Variants in TENM3 observed in about 807,000 individuals in gnomAD.
The protein encoded by TENM3 is teneurin-3.
TENM3 carries 63 observed loss-of-function variants against 255.1 expected under a neutral mutation model. The ratio of observed to expected loss-of-function variants is 0.25; its 90% CI spans 0.20 to 0.30. The LOEUF (loss-of-function observed/expected upper bound fraction) is 0.30. Ranked by LOEUF, TENM3 falls within the 10% of genes least tolerant of loss-of-function variation. TENM3 has a pLI of 1.00. For missense variants in TENM3, 2,929 were observed against 3,461.1 expected (o/e 0.85, Z 3.86); for synonymous variants, 1,306 against 1,322.3 (o/e 0.99, Z 0.27).
chr4:182,721,310 C>CATA (rs1189881572), intron 13 of TENM3, among the ~76,000 whole-genome samples: 2 of 152,148 alleles, frequency 1.3e-5, no homozygotes, highest in Non-Finnish European at 2.9e-5. Context: ...CTCGTGAATT[C>CATA]ATATGCACAT....
intron 3 of TENM3, among the ~76,000 whole-genome samples, chr4:182,367,124 CTT>C (rs144629131): frequency 0.024 from 3,580 of 152,122 alleles, 98 homozygotes; most frequent in African/African-American, 0.06. Context: ...AAAGAAAAGA[CTT>C]TACAGAATTT....
At chr4:181,725,426 T>TC in the TENM3 span, among the ~76,000 whole-genome samples, 3 of 151,090 alleles carry the variant, frequency 2.0e-5, no homozygotes, top group Admixed American at 2.0e-4. Flanking sequence ...CTTTCTTTTT[T>TC]TTTTTTTTTT....
the TENM3 span, among the ~76,000 whole-genome samples, chr4:181,454,394 G>A: frequency 6.6e-5 from 10 of 152,122 alleles, no homozygotes; most frequent in Admixed American, 2.0e-4. Context: ...CCTAGTGGTA[G>A]TGTAGCCATC....
chr4:182,719,551 G>A (rs114338312), intron 13 of TENM3, among the ~76,000 whole-genome samples: 2,295 of 151,940 alleles, frequency 0.015, 69 homozygotes, highest in African/African-American at 0.053. Context: ...GAACCACTGC[G>A]CCTGGCCTAG....
At chr4:182,036,619 A>C in the TENM3 span, among the ~76,000 whole-genome samples, 11 of 152,322 alleles carry the variant, frequency 7.2e-5, no homozygotes, top group African/African-American at 2.6e-4. Flanking sequence ...AAATATTACA[A>C]ACACTTTTCA....
At chr4:182,132,257 A>G in the TENM3 span, among the ~76,000 whole-genome samples, 69 of 152,164 alleles carry the variant, frequency 4.5e-4, no homozygotes, top group Non-Finnish European at 7.4e-4. Context: ...AGGCGGGTGG[A>G]TCACGAGGTC....
the TENM3 span, among the ~76,000 whole-genome samples, chr4:181,981,845 C>T: frequency 6.6e-6 from 1 of 152,262 alleles, no homozygotes; most frequent in Admixed American, 6.5e-5. Context: ...AGGCTTCTGA[C>T]AAGACAATCT....
At chr4:182,591,489 C>T (rs1027873550) in intron 3 of TENM3, among the ~76,000 whole-genome samples, 6 of 152,148 alleles carry the variant, frequency 3.9e-5, no homozygotes, top group African/African-American at 1.4e-4. Flanking sequence ...GTTTTACAAT[C>T]AATTGATGAT....
chr4:181,837,160 AT>A, the TENM3 span, among the ~76,000 whole-genome samples: 9 of 151,544 alleles, frequency 5.9e-5, no homozygotes, highest in East Asian at 7.8e-4. Context: ...CTATCATATC[AT>A]TTTTTTTAAA....
chr4:181,874,694 TC>T, the TENM3 span: 3 of 152,490 alleles, frequency 2.0e-5, no homozygotes, highest in East Asian at 5.8e-4. Context: ...AGACTTCTAC[TC>T]CTTCCTCCTA....
the TENM3 span, among the ~76,000 whole-genome samples, chr4:181,576,126 T>C: frequency 6.6e-6 from 1 of 152,126 alleles, no homozygotes; most frequent in African/African-American, 2.4e-5. Flanking sequence ...CTTCCTAGTC[T>C]CCACTGTCCA....
chr4:182,160,913 G>C (rs1272274521), intron 1 of TENM3, among the ~76,000 whole-genome samples: 1 of 113,006 alleles, frequency 8.8e-6, no homozygotes, highest in Non-Finnish European at 2.1e-5. Flanking sequence ...GTATACATGT[G>C]GATTGAGAAA....
At chr4:182,504,334 A>G (rs1172609941) in intron 3 of TENM3, among the ~76,000 whole-genome samples, 2 of 151,836 alleles carry the variant, frequency 1.3e-5, no homozygotes. Flanking sequence ...ATTCTTAACT[A>G]CAAATCTGAC....
the TENM3 span, among the ~76,000 whole-genome samples, chr4:181,599,692 A>G: frequency 6.6e-6 from 1 of 152,172 alleles, no homozygotes; most frequent in Non-Finnish European, 1.5e-5. Flanking sequence ...ATAAGATCAG[A>G]TTTAGGAGTG....
chr4:181,538,904 T>C, the TENM3 span, among the ~76,000 whole-genome samples: 28,066 of 152,190 alleles, frequency 0.18, 3,540 homozygotes, highest in Admixed American at 0.33. Context: ...TTGGTTTAGT[T>C]GTTTAATTAT....
chr4:182,434,362 A>G (rs1260457189), intron 3 of TENM3, among the ~76,000 whole-genome samples: 1 of 152,138 alleles, frequency 6.6e-6, no homozygotes, highest in African/African-American at 2.4e-5. Flanking sequence ...TAGAATTAAA[A>G]TTAAATAATA....
the TENM3 span, among the ~76,000 whole-genome samples, chr4:181,693,538 T>A: frequency 6.6e-6 from 1 of 152,152 alleles, no homozygotes; most frequent in African/African-American, 2.4e-5. Context: ...ACTTTGACTT[T>A]GGAAAAGAAG....
intron 3 of TENM3, among the ~76,000 whole-genome samples, chr4:182,473,069 C>T (rs1051533389): frequency 2.6e-5 from 4 of 152,182 alleles, no homozygotes; most frequent in African/African-American, 7.2e-5. Context: ...AACTCCTCAA[C>T]ACTAGAATAT....
At chr4:181,780,314 T>G in the TENM3 span, among the ~76,000 whole-genome samples, 1 of 152,172 alleles carries the variant, frequency 6.6e-6, no homozygotes, top group Admixed American at 6.5e-5. Context: ...TCCTGACTTT[T>G]TAATGATTGC....
Sources: allele counts gnomAD v4.1 joint callset (sites outside exome capture counted in the v4.1 genomes callset), GRCh38; gene constraint gnomAD v4.1.1; transcripts MANE v1.5; gene names NCBI Gene and HGNC (gene_info 2026-07-23, HGNC 2026-07-21).